PLS1: variants seen among roughly 807,000 people sequenced by gnomAD.
PLS1 encodes the protein plastin-1.
Under a neutral mutation model 73.7 loss-of-function variants are expected in PLS1, and 32 were observed. That is an observed-to-expected ratio of 0.43 (90% CI 0.33 to 0.58). The LOEUF (loss-of-function observed/expected upper bound fraction) is 0.58. Among genes scored for constraint, PLS1 ranks in the 20% least tolerant of loss-of-function variants. The pLI, the probability that PLS1 is intolerant of heterozygous loss-of-function variation, is 0.04. For missense variants in PLS1, 633 were observed against 740.5 expected (o/e 0.85, Z 1.68); for synonymous variants, 217 against 261.3 (o/e 0.83, Z 1.63).
intron 1 of PLS1, among the ~76,000 whole-genome samples, chr3:142,609,322 A>T (rs776446687): frequency 3.9e-4 from 59 of 152,330 alleles, no homozygotes; most frequent in Middle Eastern, 6.8e-3. Context: ...AGGGCAGCTC[A>T]CCTATATGCA....
chr3:142,691,409 T>C (rs776147064), intron 10 of PLS1, among the ~76,000 whole-genome samples: 1 of 151,946 alleles, frequency 6.6e-6, no homozygotes, highest in Non-Finnish European at 1.5e-5. Flanking sequence ...GTCTGGAAAA[T>C]TTCAAAATCC....
chr3:142,705,825 G>C (rs1340557855), intron 14 of PLS1, among the ~76,000 whole-genome samples: 1 of 152,186 alleles, frequency 6.6e-6, no homozygotes, highest in Non-Finnish European at 1.5e-5. Context: ...TATTGGCAGA[G>C]ACGTTGCCTG....
chr3:142,669,662 C>G, intron 3 of PLS1, 109 bp downstream of exon 3: 1 of 631,160 alleles, frequency 1.6e-6, no homozygotes, highest in Non-Finnish European at 2.6e-6. Context: ...AGAAAAAGGA[C>G]TGCTTTAAAA....
At chr3:142,691,768 A>G (rs2038090889) in intron 10 of PLS1, among the ~76,000 whole-genome samples, 1 of 152,162 alleles carries the variant, frequency 6.6e-6, no homozygotes, top group Non-Finnish European at 1.5e-5. Context: ...TGAAATTTGA[A>G]GCTTGATCAT....
chr3:142,651,676 G>C (rs2037096788), intron 1 of PLS1, among the ~76,000 whole-genome samples: 2 of 152,174 alleles, frequency 1.3e-5, no homozygotes, highest in Admixed American at 1.3e-4. Flanking sequence ...AAGGCTCCCT[G>C]GGAGGCCAAT....
chr3:142,627,796 CTT>C (rs5853077), intron 1 of PLS1: 252 of 144,512 alleles, frequency 1.7e-3, no homozygotes, highest in Non-Finnish European at 1.9e-3. Flanking sequence ...TTTTTTCAGA[CTT>C]TTTTTTTTTT....
At chr3:142,613,750 C>T (rs1222157924) in intron 1 of PLS1, among the ~76,000 whole-genome samples, 1 of 152,138 alleles carries the variant, frequency 6.6e-6, no homozygotes, top group Non-Finnish European at 1.5e-5. Flanking sequence ...ATGCAAATAA[C>T]AGATGATTCA....
chr3:142,685,035 A>C (rs2037935830), intron 8 of PLS1, among the ~76,000 whole-genome samples: 1 of 145,844 alleles, frequency 6.9e-6, no homozygotes, highest in African/African-American at 2.5e-5. Flanking sequence ...CCTGCCCCCC[A>C]AGAGTAATCA....
At chr3:142,614,129 C>G (rs1256641428) in intron 1 of PLS1, among the ~76,000 whole-genome samples, 1 of 152,172 alleles carries the variant, frequency 6.6e-6, no homozygotes, top group Non-Finnish European at 1.5e-5. Context: ...AGTCAGGCCA[C>G]TTTGGGATTT....
At chr3:142,683,742 C>T (rs2037903836) in intron 6 of PLS1, among the ~76,000 whole-genome samples, 1 of 152,002 alleles carries the variant, frequency 6.6e-6, no homozygotes, top group Admixed American at 6.6e-5. Flanking sequence ...TCCAGGTAGA[C>T]ATAACCAAGT....
intron 10 of PLS1, among the ~76,000 whole-genome samples, chr3:142,691,798 T>C (rs2038091493): frequency 6.6e-6 from 1 of 152,188 alleles, no homozygotes; most frequent in Non-Finnish European, 1.5e-5. Context: ...CAAATTCATA[T>C]GTTAGTATGT....
intron 1 of PLS1, among the ~76,000 whole-genome samples, chr3:142,659,414 C>T (rs565456310): frequency 6.6e-6 from 1 of 152,106 alleles, no homozygotes; most frequent in Non-Finnish European, 1.5e-5. Flanking sequence ...TTAAAATGGT[C>T]ACTATAGGTA....
chr3:142,616,833 C>T (rs551414132), intron 1 of PLS1, among the ~76,000 whole-genome samples: 24 of 152,256 alleles, frequency 1.6e-4, no homozygotes, highest in African/African-American at 5.8e-4. Flanking sequence ...AACTCCTGAC[C>T]TCAGGTGATC....
Position 142,653,736 on chromosome 3 carries a change from T to G in PLS1, c.-36-10466T>G, listed in dbSNP as rs2037155208. On this transcript the variant is annotated intron_variant, in intron 1 of 15. Transcript: ENST00000457734. ...TAACTCCTATAATACGTGTATATAG[T>G]ATAAAAAGAGACCCCTTTATATCCA... Among the ~76,000 whole-genome samples the G allele has an allele frequency of 2.0e-5, 3 of 152,138 alleles. No individual in the cohort carries two copies. The South Asian group carries it at 6.2e-4, about 31-fold the overall frequency.
intron 1 of PLS1, among the ~76,000 whole-genome samples, chr3:142,610,019 C>A (rs553990267): frequency 6.8e-4 from 103 of 152,282 alleles, no homozygotes; most frequent in Non-Finnish European, 9.4e-4. Flanking sequence ...CAGGCACAGG[C>A]CACCATACCC....
chr3:142,676,106 G>A, intron 4 of PLS1, 51 bp from the exon 5 acceptor site: 7 of 1,514,754 alleles, frequency 4.6e-6, no homozygotes, highest in Non-Finnish European at 6.3e-6. Context: ...TTTTTATAGT[G>A]CAATAAAGTT....
chr3:142,597,295 A>C (rs1247910328), intron 1 of PLS1: 5 of 152,176 alleles, frequency 3.3e-5, no homozygotes, highest in African/African-American at 1.2e-4. Flanking sequence ...TTTCTTGAAG[A>C]ACCTGTGAGC....
intron 1 of PLS1, among the ~76,000 whole-genome samples, chr3:142,660,446 G>C (rs557834176): frequency 9.9e-5 from 15 of 152,166 alleles, no homozygotes; most frequent in Admixed American, 1.3e-4. Context: ...CCTTAAACAT[G>C]CTTAGAATGC....
chr3:142,698,523 A>G (rs919930788), intron 12 of PLS1: 1 of 152,334 alleles, frequency 6.6e-6, no homozygotes, highest in Non-Finnish European at 1.5e-5. Flanking sequence ...AACAACTACA[A>G]TATGGTACAT....
Sources: allele counts gnomAD v4.1 joint callset (sites outside exome capture counted in the v4.1 genomes callset), GRCh38; gene constraint gnomAD v4.1.1; transcripts MANE v1.5; gene names NCBI Gene and HGNC (gene_info 2026-07-23, HGNC 2026-07-21).